EYS: variants seen among roughly 807,000 people sequenced by gnomAD.
The protein encoded by EYS is protein eyes shut homolog.
A neutral mutation model predicts 282.1 loss-of-function variants in EYS; 250 were observed. The observed-to-expected ratio is 0.89, with a 90% confidence interval of 0.80 to 0.98. The LOEUF (loss-of-function observed/expected upper bound fraction) is 0.98, where lower values mean the gene tolerates loss of function less well. Ranked by LOEUF, EYS falls within the 50% of genes least tolerant of loss-of-function variation. The pLI is 0.00. For synonymous variants in EYS, 1,355 were observed against 1,282.9 expected, an observed-to-expected ratio of 1.06 and a Z score of -1.20; for missense variants, 4,016 against 3,709.0, an observed-to-expected ratio of 1.08 and a Z score of -2.15.
At chr6:64,641,299 A>G (rs1282601383) in intron 22 of EYS, among the ~76,000 whole-genome samples, 1 of 152,196 alleles carries the variant, frequency 6.6e-6, no homozygotes, top group Non-Finnish European at 1.5e-5. Context: ...TGAGAGACTC[A>G]TTCACTATCA....
chr6:63,944,067 C>G (rs1445230782), intron 35 of EYS, among the ~76,000 whole-genome samples: 1 of 152,150 alleles, frequency 6.6e-6, no homozygotes, highest in Non-Finnish European at 1.5e-5. Context: ...ATGCAGAGCG[C>G]AGGACCTGAC....
chr6:63,991,914 A>G (rs1299998314), intron 34 of EYS, among the ~76,000 whole-genome samples: 1 of 151,734 alleles, frequency 6.6e-6, no homozygotes, highest in East Asian at 1.9e-4. Context: ...AACCTTGCAC[A>G]TCAGAAGGGA....
At chr6:64,765,917 T>C (rs988617639) in intron 22 of EYS, among the ~76,000 whole-genome samples, 4 of 152,262 alleles carry the variant, frequency 2.6e-5, no homozygotes, top group Non-Finnish European at 4.4e-5. Flanking sequence ...ATTTCAGATT[T>C]AATAAATTCT....
chr6:65,674,112 A>G (rs1649033422), intron 1 of EYS, among the ~76,000 whole-genome samples: 1 of 152,044 alleles, frequency 6.6e-6, no homozygotes, highest in Non-Finnish European at 1.5e-5. Flanking sequence ...GCAAAAAGAA[A>G]AAGAATGAAG....
chr6:64,248,228 C>T (rs189308032), intron 30 of EYS, among the ~76,000 whole-genome samples: 23 of 147,240 alleles, frequency 1.6e-4, no homozygotes, highest in African/African-American at 2.6e-4. Context: ...TGTATAGGTG[C>T]GTCTTGAGAG....
intron 29 of EYS, among the ~76,000 whole-genome samples, chr6:64,360,195 G>A (rs1196740127): frequency 6.6e-6 from 1 of 151,654 alleles, no homozygotes; most frequent in Non-Finnish European, 1.5e-5. Context: ...TCCCAAAAAT[G>A]GACATGAGGA....
intron 22 of EYS, among the ~76,000 whole-genome samples, chr6:64,742,548 G>C (rs985104351): frequency 7.2e-5 from 11 of 152,170 alleles, no homozygotes; most frequent in Non-Finnish European, 1.3e-4. Flanking sequence ...AACTGATCGA[G>C]AGAGTAGAAT....
Position 64,839,014 on chromosome 6 carries a change from A to G in EYS, c.2993-16192T>C, listed in dbSNP as rs113363323. 7.7e-3 allele frequency among the ~76,000 whole-genome samples: 1,172 copies of G among 152,140 alleles called. 13 individuals carry two copies. Among genetic ancestry groups the G allele is most frequent in the African/African-American group, 0.026 (1,089 of 41,534 alleles). ...ATATAGAATTTAAGGTGCAGGCTTAATTTTACCTACTTCTCAAGTCTTACC... is the reference window on the plus strand; with the variant it reads ...ATATAGAATTTAAGGTGCAGGCTTAGTTTTACCTACTTCTCAAGTCTTACC... On this transcript the variant is annotated intron_variant, in intron 19 of 42. Coordinates refer to ENST00000503581, the MANE Select transcript of EYS (RefSeq NM_001142800.2).
intron 2 of EYS, among the ~76,000 whole-genome samples, chr6:65,569,179 C>G (rs937325792): frequency 1.3e-5 from 2 of 152,134 alleles, no homozygotes; most frequent in African/African-American, 4.8e-5. Flanking sequence ...CCTGGCTCAT[C>G]CCGGCTCAAA....
chr6:64,549,612 A>G (rs1765000280), intron 26 of EYS, among the ~76,000 whole-genome samples: 1 of 151,956 alleles, frequency 6.6e-6, no homozygotes, highest in African/African-American at 2.4e-5. Context: ...CTCTGGTTTT[A>G]TGGTTAAATT....
At chr6:64,912,375 A>C (rs1768026374) in intron 16 of EYS, 109 bp downstream of exon 16, 1 of 899,458 alleles carries the variant, frequency 1.1e-6, no homozygotes, top group Non-Finnish European at 1.7e-6. Flanking sequence ...CACAATGTAC[A>C]TAGGATTTTT....
At chr6:65,261,782 C>T (rs930091282) in intron 12 of EYS, among the ~76,000 whole-genome samples, 2 of 151,840 alleles carry the variant, frequency 1.3e-5, no homozygotes, top group Non-Finnish European at 2.9e-5. Context: ...TTCTTTAATC[C>T]TTTCAATAGT....
intron 41 of EYS, among the ~76,000 whole-genome samples, chr6:63,745,472 A>C (rs1240219808): frequency 6.6e-6 from 1 of 152,204 alleles, no homozygotes; most frequent in Non-Finnish European, 1.5e-5. Flanking sequence ...CTTCAGTTGC[A>C]ACAACTGAAG....
chr6:64,244,442 GT>G (rs2150344960), intron 30 of EYS, among the ~76,000 whole-genome samples: 1 of 152,202 alleles, frequency 6.6e-6, no homozygotes, highest in African/African-American at 2.4e-5. Flanking sequence ...AGTTCCCTTT[GT>G]CTTTGTTGAA....
intron 29 of EYS, among the ~76,000 whole-genome samples, chr6:64,361,308 C>T (rs141865416): frequency 1.0e-3 from 154 of 151,336 alleles, no homozygotes; most frequent in African/African-American, 2.6e-3. Flanking sequence ...AACTGCTGTC[C>T]GGAAAATTCA....
intron 11 of EYS, chr6:65,329,820 G>A (rs1769730840): frequency 1.0e-6 from 1 of 982,640 alleles, no homozygotes. Flanking sequence ...TTCACATAAA[G>A]CTCTATTTTT....
intron 15 of EYS, among the ~76,000 whole-genome samples, chr6:64,917,017 G>A (rs1418401137): frequency 7.2e-5 from 11 of 152,148 alleles, no homozygotes; most frequent in Admixed American, 1.3e-4. Flanking sequence ...TTGGGAGTCC[G>A]AGGCGGGTGG....
intron 28 of EYS, among the ~76,000 whole-genome samples, chr6:64,416,486 G>T (rs1323334628): frequency 6.7e-6 from 1 of 148,194 alleles, no homozygotes; most frequent in African/African-American, 2.5e-5. Context: ...ATCTCTGCAT[G>T]AGTTTTATGA....
intron 19 of EYS, among the ~76,000 whole-genome samples, chr6:64,827,083 G>A (rs568160561): frequency 6.6e-6 from 1 of 151,836 alleles, no homozygotes; most frequent in African/African-American, 2.4e-5. Context: ...TGAGAAATAG[G>A]ACTGACAAGC....
Sources: gnomAD v4.1 joint callset for allele counts (sites outside exome capture counted in the v4.1 genomes callset) on GRCh38, gnomAD v4.1.1 for gene constraint, MANE v1.5 for transcripts, NCBI Gene and HGNC (gene_info 2026-07-23, HGNC 2026-07-21) for gene names.